PCBP3: variants seen among roughly 807,000 people sequenced by gnomAD.
PCBP3 encodes the protein poly(rC) binding protein 3.
PCBP3 carries 25 observed loss-of-function variants against 52.7 expected under a neutral mutation model. That is an observed-to-expected ratio of 0.47 (90% confidence interval 0.35 to 0.66). PCBP3 has a LOEUF of 0.66. Ranked by LOEUF, PCBP3 falls within the 30% of genes least tolerant of loss-of-function variation. The pLI, the probability that PCBP3 is intolerant of heterozygous loss-of-function variation, is 0.01. For missense variants in PCBP3, 391 were observed against 490.3 expected, an observed-to-expected ratio of 0.80 and a Z score of 1.91; for synonymous variants, 162 against 183.0, an observed-to-expected ratio of 0.89 and a Z score of 0.93.
intron 13 of PCBP3, chr21:45,918,089 A>G: frequency 1.3e-5 from 3 of 228,942 alleles, no homozygotes; most frequent in Non-Finnish European, 2.6e-5. Flanking sequence ...GTCCACATGA[A>G]AACATAGGGT....
chr21:45,754,593 T>C (rs541463909), intron 3 of PCBP3, among the ~76,000 whole-genome samples: 35 of 152,332 alleles, frequency 2.3e-4, no homozygotes, highest in African/African-American at 8.4e-4. Context: ...CATGACACCT[T>C]GTATCTTCTC....
chr21:45,643,887 G>GCGGGGA lies in PCBP3; in HGVS notation c.-279+24_-279+25insACGGGG, dbSNP rs2079075803. On this transcript the variant is annotated intron_variant, in intron 1 of 17. Transcript: ENST00000681687. The stretch of plus-strand genomic sequence containing the variant: ...AGGGCAGGTGAGTGAGCGGTGGCGG[G>GCGGGGA]CGGGGTCGGGGTCGGGCGCCCTTGC... The GCGGGGA allele has an allele frequency of 6.7e-6, 1 of 148,984 alleles. No individual in the cohort carries two copies. Among genetic ancestry groups the GCGGGGA allele is most frequent in the African/African-American group, 2.4e-5 (1 of 41,128 alleles). The allele number at this position is 148,984 out of a possible 1,614,324, so 9.2% of individuals were successfully genotyped here. A position where few individuals can be genotyped will look rare whatever the true frequency, so the allele number is the denominator to read the frequency against.
chr21:45,697,838 C>T (rs990006800), intron 2 of PCBP3, among the ~76,000 whole-genome samples: 3 of 152,052 alleles, frequency 2.0e-5, no homozygotes, highest in Non-Finnish European at 4.4e-5. Flanking sequence ...AGCCATGGCT[C>T]ATTTTTGAAT....
chr21:45,920,166 G>A (rs575981210), intron 13 of PCBP3, among the ~76,000 whole-genome samples: 8 of 152,278 alleles, frequency 5.3e-5, no homozygotes, highest in South Asian at 2.1e-4. Context: ...CCAGACAGTC[G>A]CCCTGAAGTT....
At chr21:45,760,564 T>G (rs1452112663) in intron 4 of PCBP3, 1 of 152,174 alleles carries the variant, frequency 6.6e-6, no homozygotes, top group African/African-American at 2.4e-5. Flanking sequence ...AGTTTTAAGG[T>G]CCTGGGATTG....
At chr21:45,845,157 C>T (rs2148078228) in intron 4 of PCBP3, among the ~76,000 whole-genome samples, 1 of 152,336 alleles carries the variant, frequency 6.6e-6, no homozygotes, top group Admixed American at 6.5e-5. Context: ...TTCATCTTAA[C>T]CAGCCTTGGT....
rs564678808 is a variant in PCBP3, at chr21:45,755,236, A to G, written c.-161-181A>G. Among the ~76,000 whole-genome samples the G allele has an allele frequency of 1.4e-4, 21 of 152,268 alleles. 1 individual carries two copies. Among genetic ancestry groups the G allele is most frequent in the African/African-American group, 4.6e-4 (19 of 41,556 alleles). ...GACTCTGCTTTATCCCTTGCCCATG[A>G]TACTTCTGAGATGCATTCATATTGT... On this transcript the variant is annotated intron_variant, in intron 3 of 17. Coordinates refer to ENST00000681687, the MANE Select transcript of PCBP3 (RefSeq NM_001384156.1).
At chr21:45,742,143 C>T (rs1055909321) in intron 3 of PCBP3, among the ~76,000 whole-genome samples, 4 of 152,126 alleles carry the variant, frequency 2.6e-5, no homozygotes, top group African/African-American at 7.2e-5. Flanking sequence ...ATCCATAATA[C>T]GAGGTAAACA....
intron 5 of PCBP3, among the ~76,000 whole-genome samples, chr21:45,850,360 G>A (rs1353392103): frequency 6.6e-6 from 1 of 152,158 alleles, no homozygotes; most frequent in Non-Finnish European, 1.5e-5. Flanking sequence ...CAGCCTTCCA[G>A]CTCTCCCCTG....
chr21:45,894,440 G>A (rs1225866860), intron 5 of PCBP3, among the ~76,000 whole-genome samples: 6 of 151,966 alleles, frequency 3.9e-5, no homozygotes, highest in Admixed American at 1.3e-4. Flanking sequence ...CGGGTCCGTC[G>A]GCACCCACAG....
intron 5 of PCBP3, among the ~76,000 whole-genome samples, chr21:45,883,354 T>A (rs1192602815): frequency 6.6e-6 from 1 of 151,992 alleles, no homozygotes; most frequent in South Asian, 2.1e-4. Context: ...AGGAAGAGAG[T>A]GTGGATTCTG....
intron 4 of PCBP3, among the ~76,000 whole-genome samples, chr21:45,849,529 G>A (rs2093912906): frequency 1.3e-5 from 2 of 151,942 alleles, no homozygotes; most frequent in East Asian, 3.9e-4. Flanking sequence ...TTTTTTCCAA[G>A]TCTCTCCTCT....
intron 4 of PCBP3, among the ~76,000 whole-genome samples, chr21:45,832,161 G>A (rs184238817): frequency 5.3e-5 from 8 of 152,162 alleles, no homozygotes; most frequent in South Asian, 2.1e-4. Flanking sequence ...AAAGGCATGC[G>A]CAATTCCTGG....
chr21:45,729,472 A>G (rs1329651752), intron 2 of PCBP3, among the ~76,000 whole-genome samples: 1 of 152,190 alleles, frequency 6.6e-6, no homozygotes, highest in East Asian at 1.9e-4. Context: ...GAACTGCCAG[A>G]CTGTTTTCCA....
Position 45,654,136 on chromosome 21 carries a change from A to G in PCBP3, c.-279+10268A>G, listed in dbSNP as rs376955607. Among the ~76,000 whole-genome samples the G allele has an allele frequency of 2.0e-5, 3 of 152,228 alleles. No homozygotes were observed. In the South Asian group the frequency reaches 6.2e-4, roughly 32 times the overall value. ...TATTAACAATATTGGTATTAATAGTATTATTACTGGTAACATTAACAGTAT... is the reference window on the plus strand; with the variant it reads ...TATTAACAATATTGGTATTAATAGTGTTATTACTGGTAACATTAACAGTAT... On this transcript the variant is annotated intron_variant, in intron 1 of 17. Transcript: ENST00000681687.
chr21:45,707,361 C>T (rs2083517928), intron 2 of PCBP3, among the ~76,000 whole-genome samples: 1 of 151,864 alleles, frequency 6.6e-6, no homozygotes, highest in Admixed American at 6.6e-5. Context: ...ATTAAAAATA[C>T]AAAAATTGTC....
At chr21:45,899,469 C>T (rs2095963467) in intron 6 of PCBP3, 130 bp from the exon 7 acceptor site, 2 of 677,036 alleles carry the variant, frequency 3.0e-6, no homozygotes, top group East Asian at 2.7e-5. Context: ...CTCCCTTCTT[C>T]ATGCACACCG....
rs1255219284 is a variant in PCBP3 at position 45,823,512 on chromosome 21, C to T, written c.-125-26449C>T. Among the ~76,000 whole-genome samples the T allele has an allele frequency of 3.3e-5, 5 of 152,094 alleles. No individual in the cohort carries two copies. The East Asian group carries it at 5.8e-4, about 18-fold the overall frequency. ...CCCTTTCATGTCCCGCAGAACCACG[C>T]GTGTCCGTTCTTCTGAGAGTTTTTT... On this transcript the variant is annotated intron_variant, in intron 4 of 17. Transcript: ENST00000681687.
intron 5 of PCBP3, among the ~76,000 whole-genome samples, chr21:45,884,218 G>C (rs962237125): frequency 1.3e-5 from 2 of 152,090 alleles, no homozygotes; most frequent in African/African-American, 4.8e-5. Flanking sequence ...TTACAGGCGT[G>C]AGCCATCGCA....
Sources: gnomAD v4.1 joint callset for allele counts (sites outside exome capture counted in the v4.1 genomes callset) on GRCh38, gnomAD v4.1.1 for gene constraint, MANE v1.5 for transcripts, NCBI Gene and HGNC (gene_info 2026-07-23, HGNC 2026-07-21) for gene names.